The following KDM2A variants were observed in gnomAD, a reference collection of about 807,000 sequenced individuals.
The protein encoded by KDM2A is lysine-specific demethylase 2A.
Under a neutral mutation model 137.3 loss-of-function variants are expected in KDM2A, and 3 were observed. The observed-to-expected ratio is 0.02, with a 90% CI of 0.01 to 0.06. The LOEUF is 0.06. Ranked by LOEUF, KDM2A falls within the 10% of genes least tolerant of loss-of-function variation. The probability of loss-of-function intolerance (pLI) is 1.00; values close to 1 mark genes in which losing one functional copy is unlikely to be tolerated. For missense variants in KDM2A, 738 were observed against 1,510.6 expected (o/e 0.49, Z 8.48); for synonymous variants, 512 against 541.5 (o/e 0.95, Z 0.76).
At chr11:67,156,354 G>A (rs1275871565) in intron 2 of KDM2A, among the ~76,000 whole-genome samples, 1 of 151,996 alleles carries the variant, frequency 6.6e-6, no homozygotes, top group Non-Finnish European at 1.5e-5. Flanking sequence ...GGAGGCTGAG[G>A]CAGGTGGATC....
intron 5 of KDM2A, among the ~76,000 whole-genome samples, chr11:67,200,151 G>A (rs1857581799): frequency 6.6e-6 from 1 of 152,098 alleles, no homozygotes; most frequent in Admixed American, 6.5e-5. Flanking sequence ...ACTGCTCACT[G>A]GCAGTGTACC....
chr11:67,252,677 C>G lies in KDM2A; in HGVS notation c.2769-17C>G. The G allele has an allele frequency of 6.2e-7, 1 of 1,613,896 alleles. No individual in the cohort carries two copies. Among genetic ancestry groups the G allele is most frequent in the Non-Finnish European group, 8.5e-7 (1 of 1,179,864 alleles). On this transcript the variant is annotated splice_polypyrimidine_tract_variant and intron_variant, in intron 17 of 20. Transcript: ENST00000529006. ...GATCAAGTTAATGAAGGCGAGTTCTCTTCCCTTCTATCACAGGTGCTGCGA... is the reference window on the plus strand; with the variant it reads ...GATCAAGTTAATGAAGGCGAGTTCTGTTCCCTTCTATCACAGGTGCTGCGA...
intron 2 of KDM2A, among the ~76,000 whole-genome samples, chr11:67,172,025 CTG>C (rs1856891542): frequency 6.6e-6 from 1 of 152,162 alleles, no homozygotes. Context: ...GGATCTCACT[CTG>C]TTATTCAGGC....
chr11:67,234,626 T>C (rs567787561), intron 12 of KDM2A, among the ~76,000 whole-genome samples: 1 of 152,330 alleles, frequency 6.6e-6, no homozygotes, highest in Non-Finnish European at 1.5e-5. Context: ...CCTAGTGCTT[T>C]AGGCGGCAGA....
chr11:67,170,408 C>CTTT (rs923665021), intron 2 of KDM2A, among the ~76,000 whole-genome samples: 370 of 92,800 alleles, frequency 4.0e-3, no homozygotes, highest in African/African-American at 5.8e-3. Flanking sequence ...TTCTTTCTTT[C>CTTT]TTTTTTTTTT....
At chr11:67,121,379 C>T (rs779700263) in intron 2 of KDM2A, 21 bp downstream of exon 2, 14 of 1,607,794 alleles carry the variant, frequency 8.7e-6, no homozygotes, top group Middle Eastern at 1.6e-4. Flanking sequence ...TCTCCCCCCA[C>T]CACACCCTCC....
chr11:67,196,692 A>C (rs1857491207), intron 5 of KDM2A: 1 of 324,604 alleles, frequency 3.1e-6, no homozygotes. Flanking sequence ...ATGGAGACAA[A>C]ATAGAATAGT....
intron 5 of KDM2A, chr11:67,195,465 A>T (rs776439500): frequency 5.3e-5 from 8 of 151,782 alleles, no homozygotes; most frequent in Non-Finnish European, 8.8e-5. Context: ...TTTCTTTTTA[A>T]ACTCTTCTAT....
intron 11 of KDM2A, among the ~76,000 whole-genome samples, chr11:67,230,729 T>C (rs1858685655): frequency 2.0e-5 from 3 of 152,138 alleles, no homozygotes; most frequent in Admixed American, 2.0e-4. Flanking sequence ...GTTGTTATCG[T>C]AGGATGGAGG....
chr11:67,123,256 C>T (rs1049027979), intron 2 of KDM2A, among the ~76,000 whole-genome samples: 5 of 139,408 alleles, frequency 3.6e-5, no homozygotes, highest in African/African-American at 1.1e-4. Flanking sequence ...GATTAACAAG[C>T]GTGAGCCACA....
At chr11:67,232,917 C>T (rs112889725) in intron 12 of KDM2A, among the ~76,000 whole-genome samples, 3 of 151,780 alleles carry the variant, frequency 2.0e-5, no homozygotes, top group Admixed American at 2.0e-4. Flanking sequence ...ACCATGTTGG[C>T]CAGGCTGGTC....
At position 67,196,656 on chromosome 11, in the gene KDM2A, A is replaced by G. The variant is rs187878644; in HGVS notation, c.308-10854A>G. On this transcript the variant is annotated intron_variant, in intron 5 of 20. Coordinates refer to ENST00000529006, the MANE Select transcript of KDM2A (RefSeq NM_012308.3). ...ATAAATACTGTGTAATTCCACTGACATGAAGTATATAGAGTAACCAAAATC... is the reference window on the plus strand; with the variant it reads ...ATAAATACTGTGTAATTCCACTGACGTGAAGTATATAGAGTAACCAAAATC... 2.9e-4 allele frequency: 105 copies of G among 356,448 alleles called. 1 individual carries two copies. The Admixed American group carries it at 3.6e-3, about 12-fold the overall frequency. 22.1% of individuals were successfully genotyped at this position (356,448 alleles called of 1,614,324 possible).
chr11:67,238,189 G>A (rs1858925593), intron 12 of KDM2A, among the ~76,000 whole-genome samples: 1 of 152,096 alleles, frequency 6.6e-6, no homozygotes, highest in Non-Finnish European at 1.5e-5. Flanking sequence ...CAATTAGCAG[G>A]AGGGGGTAAA....
At chr11:67,120,521 AG>A (rs1188148446) in intron 1 of KDM2A, among the ~76,000 whole-genome samples, 1 of 152,178 alleles carries the variant, frequency 6.6e-6, no homozygotes, top group African/African-American at 2.4e-5. Context: ...TTTTTGGACA[AG>A]ATGTATTTTC....
intron 2 of KDM2A, among the ~76,000 whole-genome samples, chr11:67,141,209 C>A (rs1856090811): frequency 6.6e-6 from 1 of 152,072 alleles, no homozygotes; most frequent in African/African-American, 2.4e-5. Flanking sequence ...ACCATTTCTT[C>A]ATATGCGAAA....
intron 2 of KDM2A, among the ~76,000 whole-genome samples, chr11:67,151,524 A>G (rs1203834013): frequency 1.3e-5 from 2 of 151,670 alleles, no homozygotes; most frequent in African/African-American, 2.4e-5. Flanking sequence ...AATTTTTTGT[A>G]TTTTTAGTAG....
In KDM2A at chr11:67,235,320, T is replaced by TTTG. The variant is rs770314957; in HGVS notation, c.1479+3361_1479+3362insTGT. On this transcript the variant is annotated intron_variant, in intron 12 of 20. Transcript: ENST00000529006. ...TATGAGAATTTTTTTTTTTTTTTTT[T>TTTG]TGAGACTGAGTTTCACTGTTTTTGC... Among the ~76,000 whole-genome samples the TTTG allele has an allele frequency of 3.7e-3, 566 of 150,938 alleles. 22 individuals carry two copies. In the East Asian group the frequency reaches 0.095, roughly 25 times the overall value.
In KDM2A at chr11:67,231,667, G is replaced by A. The variant is rs1858725388; in HGVS notation, c.1186G>A (p.Val396Ile). Reference sequence around the variant, plus strand: ...CAGGCGTTCTGTCCTCACTAGCCCTGTAGCGAATGGAGTCAACCTGGATTA... The same window carrying A: ...CAGGCGTTCTGTCCTCACTAGCCCTATAGCGAATGGAGTCAACCTGGATTA... ...SSRRSVLTSP[V>I]ANGVNLDYDG... Residue 396 changes from valine to isoleucine, a missense_variant, in exon 12 of 21, where the codon GTA (valine) becomes ATA (isoleucine). Around this residue, in one of 9 missense-constraint regions of KDM2A, gnomAD observed 113 missense variants for 133.5 expected, o/e 0.85. Coordinates refer to ENST00000529006, the MANE Select transcript of KDM2A (RefSeq NM_012308.3). 2.5e-6 allele frequency: 4 copies of A among 1,613,742 alleles called. No homozygotes were observed. The highest frequency in any genetic ancestry group is 1.7e-5 in the Admixed American group (1 of 59,962).
At chr11:67,140,234 C>T (rs1856067539) in intron 2 of KDM2A, among the ~76,000 whole-genome samples, 1 of 151,854 alleles carries the variant, frequency 6.6e-6, no homozygotes, top group Admixed American at 6.6e-5. Context: ...GCTGTCATGG[C>T]GTGTACCTCT....
Sources: allele counts gnomAD v4.1 joint callset (sites outside exome capture counted in the v4.1 genomes callset), GRCh38; gene constraint gnomAD v4.1.1; regional missense constraint gnomAD v4.1.1; transcripts MANE v1.5; gene names NCBI Gene and HGNC (gene_info 2026-07-23, HGNC 2026-07-21).